SPTB: variants seen among roughly 807,000 people sequenced by gnomAD.
SPTB encodes the protein spectrin beta, erythrocytic.
Under a neutral mutation model 256.2 loss-of-function variants are expected in SPTB, and 45 were observed. That is an observed-to-expected ratio of 0.18 (90% CI 0.14 to 0.23). SPTB has a LOEUF of 0.23. SPTB is among the 10% of genes least tolerant of loss of function. The pLI, the probability that SPTB is intolerant of heterozygous loss-of-function variation, is 1.00. For missense variants in SPTB, 2,715 were observed against 3,040.4 expected (o/e 0.89, Z 2.52); for synonymous variants, 1,231 against 1,243.1 (o/e 0.99, Z 0.21).
rs1882110845 is a variant in SPTB, at chr14:64,775,159, T to C, written c.4808A>G (p.Gln1603Arg). The C allele has an allele frequency of 6.2e-7, 1 of 1,613,856 alleles. No homozygotes were observed. ...ADEAEAWIGEQELYVISDEIP... is the reference protein window; with the variant it reads ...ADEAEAWIGERELYVISDEIP... ...CTCATCGGAGATGACGTAGAGCTCC[T>C]GCTCGCCAATCCAGGCCTCAGCCTC... Residue 1603 changes from glutamine (Q) to arginine (R), a missense_variant, in exon 23 of 36, where the codon CAG (glutamine) becomes CGG (arginine). Gln to Arg is a conservative substitution (Grantham distance 43, BLOSUM62 1). This residue lies in a region of SPTB where 2,239 missense variants were observed against 2,384.4 expected (regional missense o/e 0.94). Transcript: ENST00000644917. This position sits in a 1 kb window ranked among gnomAD's most constrained non-coding sequence, Gnocchi z 5.0.
At position 64,772,828 on chromosome 14, in the gene SPTB, C is replaced by G; in HGVS notation, c.5305G>C (p.Ala1769Pro). 6.2e-7 allele frequency: 1 copy of G among 1,613,770 alleles called. No individual in the cohort carries two copies. The highest frequency in any genetic ancestry group is 8.5e-7 in the Non-Finnish European group (1 of 1,179,958). The part of the protein sequence containing the change: ...DAGHSEAATI[A>P]EWKDGLNEMW... ...TCGTTCAGCCCGTCCTTCCACTCGG[C>G]GATGGTGGCCGCCTCGCTGTGGCCC... The change falls in exon 26 of 36, where the codon GCC becomes CCC. Residue 1769 changes from alanine to proline, a missense_variant. This residue lies in a region of SPTB where 2,239 missense variants were observed against 2,384.4 expected (regional missense o/e 0.94). Coordinates refer to ENST00000644917, the MANE Select transcript of SPTB (RefSeq NM_001355436.2). This position sits in a 1 kb window ranked among gnomAD's most constrained non-coding sequence, Gnocchi z 5.4.
Position 64,793,062 on chromosome 14 carries a change from C to T in SPTB, c.2601G>A (p.Lys867=). 1 of 1,614,116 alleles carries T rather than the reference C, an allele frequency of 6.2e-7. No individual in the cohort carries two copies. Among genetic ancestry groups the T allele is most frequent in the Non-Finnish European group, 8.5e-7 (1 of 1,180,042 alleles). The change falls in exon 14 of 36, where the codon AAG becomes AAA. Residue 867 remains lysine (K), a synonymous_variant. Coordinates refer to ENST00000644917, the MANE Select transcript of SPTB (RefSeq NM_001355436.2). This position sits in a 1 kb window ranked among gnomAD's most constrained non-coding sequence, Gnocchi z 7.0. ...TDACELWMGE[K]EKWLAEMEMP... ...TTTCCATCTCGGCCAGCCACTTCTC[C>T]TTCTCTCCCATCCACAGCTCACAGG...
chr14:64,870,598 A>G (rs1882470996), intron 1 of SPTB, among the ~76,000 whole-genome samples: 1 of 152,240 alleles, frequency 6.6e-6, no homozygotes, highest in African/African-American at 2.4e-5. Context: ...ACTATCACCC[A>G]AAGACAGTGT....
chr14:64,760,429 C>T lies in SPTB; in HGVS notation c.6345+6297G>A, dbSNP rs1296920193. On this transcript the variant is annotated intron_variant, in intron 32 of 35. Coordinates refer to ENST00000644917, the MANE Select transcript of SPTB (RefSeq NM_001355436.2). The surrounding 1 kb of genome is among the most constrained non-coding windows in gnomAD (Gnocchi z 4.3). ...TCCCAGGAGAAACACAACCTGGCTC[C>T]GGACCACAGGGTGTTTCAGAGGTTC... Among the ~76,000 whole-genome samples the T allele has an allele frequency of 3.3e-5, 5 of 152,118 alleles. No homozygotes were observed. Among genetic ancestry groups the T allele is most frequent in the African/African-American group, 7.2e-5 (3 of 41,416 alleles).
intron 29 of SPTB, 161 bp from the exon 30 acceptor site, chr14:64,768,020 T>A (rs1268310645): frequency 1.3e-6 from 1 of 755,200 alleles, no homozygotes; most frequent in Non-Finnish European, 2.3e-6. Context: ...CATTCCACAC[T>A]GGGCCCCTAA....
Position 64,764,819 on chromosome 14 carries a change from G to A in SPTB, c.6345+1907C>T, listed in dbSNP as rs1162630764. On this transcript the variant is annotated intron_variant, in intron 32 of 35. Transcript: ENST00000644917. This position sits in a 1 kb window ranked among gnomAD's most constrained non-coding sequence, Gnocchi z 4.2. ...CCAGAGTTCGCTCTCCTTCCGGCAG[G>A]GGCTGTTGCTGGGAAAAAGGGGCTG... Among the ~76,000 whole-genome samples, 1 of 152,134 alleles carries A rather than the reference G, an allele frequency of 6.6e-6. No individual in the cohort carries two copies. Among genetic ancestry groups the A allele is most frequent in the Non-Finnish European group, 1.5e-5 (1 of 68,008 alleles).
chr14:64,857,867 G>A lies in SPTB; in HGVS notation c.-52+21925C>T, dbSNP rs75143465. The stretch of plus-strand genomic sequence containing the variant: ...TCTTTGATCCCTTATAACACATAAT[G>A]AGATCTGCTAAAAAGCAACAAATTT... On this transcript the variant is annotated intron_variant, in intron 1 of 35. Transcript: ENST00000644917. Among the ~76,000 whole-genome samples, 599 of 152,226 alleles carry A rather than the reference G, an allele frequency of 3.9e-3. 3 individuals carry two copies. Among genetic ancestry groups the A allele is most frequent in the African/African-American group, 0.013 (540 of 41,534 alleles).
rs753734635 is a variant in SPTB at position 64,853,373 on chromosome 14, C to T, written c.-52+26419G>A. Among the ~76,000 whole-genome samples the T allele has an allele frequency of 2.6e-5, 4 of 152,142 alleles. No individual in the cohort carries two copies. The highest frequency in any genetic ancestry group is 5.9e-5 in the Non-Finnish European group (4 of 68,038). On this transcript the variant is annotated intron_variant, in intron 1 of 35. Transcript: ENST00000644917. This position sits in a 1 kb window ranked among gnomAD's most constrained non-coding sequence, Gnocchi z 4.3. ...TGGAGAACCTCTTCCTCAGGATATG[C>T]CCAGGAAGCCATCAAAGAACAAAGC...
intron 29 of SPTB, 30 bp from the exon 30 acceptor site, chr14:64,767,889 C>CA (rs769755098): frequency 6.2e-7 from 1 of 1,611,006 alleles, no homozygotes; most frequent in African/African-American, 1.3e-5. Context: ...ACAGACCCCC[C>CA]ACAAGGCCCA....
chr14:64,751,180 T>C (rs2357777), intron 33 of SPTB, among the ~76,000 whole-genome samples: 55,921 of 150,236 alleles, frequency 0.37, 11,934 homozygotes, highest in African/African-American at 0.59. Context: ...AATGCAGTGG[T>C]GCAGTCTCAG....
intron 1 of SPTB, among the ~76,000 whole-genome samples, chr14:64,859,406 T>A (rs1482993127): frequency 1.3e-5 from 2 of 152,150 alleles, no homozygotes; most frequent in African/African-American, 2.4e-5. Context: ...TTAAACAACG[T>A]AAGCTGTTAA....
rs2083366716 is a variant in SPTB at position 64,825,560 on chromosome 14, C to T, written c.-51-2415G>A. 6.6e-6 allele frequency among the ~76,000 whole-genome samples: 1 copy of T among 152,202 alleles called. No homozygotes were observed. Among genetic ancestry groups the T allele is most frequent in the African/African-American group, 2.4e-5 (1 of 41,434 alleles). The stretch of plus-strand genomic sequence containing the variant: ...TGACCACCTCCTGCAGGGCCACAAG[C>T]CTGTCCAGCAGCCCCTGAGAAGGGC... On this transcript the variant is annotated intron_variant, in intron 1 of 35. Coordinates refer to ENST00000644917, the MANE Select transcript of SPTB (RefSeq NM_001355436.2). The surrounding 1 kb of genome is among the most constrained non-coding windows in gnomAD (Gnocchi z 4.8).
chr14:64,776,898 A>G (rs1594764135), intron 22 of SPTB, among the ~76,000 whole-genome samples: 1 of 152,240 alleles, frequency 6.6e-6, no homozygotes, highest in South Asian at 2.1e-4. Flanking sequence ...GGGACAATAT[A>G]GAAACAAGAG....
chr14:64,863,502 C>T (rs1881979770), intron 1 of SPTB, among the ~76,000 whole-genome samples: 1 of 152,140 alleles, frequency 6.6e-6, no homozygotes, highest in Non-Finnish European at 1.5e-5. Flanking sequence ...TGCTACAAAC[C>T]TCTCAAGAGC....
rs760837664 is a variant in SPTB at position 64,795,419 on chromosome 14, C to A, written c.1562G>T (p.Arg521Leu). 2.5e-6 allele frequency: 4 copies of A among 1,614,070 alleles called. No individual in the cohort carries two copies. The highest frequency in any genetic ancestry group is 3.4e-6 in the Non-Finnish European group (4 of 1,180,054). Residue 521 changes from arginine to leucine, a missense_variant, in exon 12 of 36, where the codon CGC (arginine) becomes CTC (leucine). Coordinates refer to ENST00000644917, the MANE Select transcript of SPTB (RefSeq NM_001355436.2). The surrounding 1 kb of genome is among the most constrained non-coding windows in gnomAD (Gnocchi z 6.5). Reference protein sequence around the residue: ...SYLQELLQSRRQRLETTLALQ... With the variant: ...SYLQELLQSRLQRLETTLALQ... The stretch of plus-strand genomic sequence containing the variant: ...TGCCAGGGTGGTCTCGAGCCTCTGG[C>A]GCCGGGACTGCAGCAGCTCCTGCAG...
chr14:64,796,425 G>C lies in SPTB; in HGVS notation c.1341+132C>G. The C allele has an allele frequency of 8.4e-7, 1 of 1,188,486 alleles. No individual in the cohort carries two copies. The highest frequency in any genetic ancestry group is 1.2e-6 in the Non-Finnish European group (1 of 811,586). 73.6% of individuals were successfully genotyped at this position (1,188,486 alleles called of 1,614,324 possible). A position where few individuals can be genotyped will look rare whatever the true frequency, so the allele number is the denominator to read the frequency against. On this transcript the variant is annotated intron_variant, in intron 11 of 35. Coordinates refer to ENST00000644917, the MANE Select transcript of SPTB (RefSeq NM_001355436.2). This position sits in a 1 kb window ranked among gnomAD's most constrained non-coding sequence, Gnocchi z 4.1. The stretch of plus-strand genomic sequence containing the variant: ...CCCAGATGCAAATCTTGATCCACTG[G>C]ATCACGGGGGAGCTGTGCTGCAAGG...
intron 1 of SPTB, among the ~76,000 whole-genome samples, chr14:64,865,004 T>A (rs974255155): frequency 2.6e-5 from 4 of 152,134 alleles, no homozygotes; most frequent in African/African-American, 9.7e-5. Context: ...TCAGGGACAA[T>A]TTCCATTAGA....
intron 6 of SPTB, 37 bp downstream of exon 6, chr14:64,801,717 T>C: frequency 6.3e-7 from 1 of 1,586,656 alleles, no homozygotes; most frequent in Non-Finnish European, 8.7e-7. Context: ...AGGGAGGCTG[T>C]CTCAGTCAGT....
At chr14:64,753,423 A>T (rs1594738683) in intron 33 of SPTB, 114 bp downstream of exon 33, 1 of 1,540,772 alleles carries the variant, frequency 6.5e-7, no homozygotes, top group East Asian at 2.3e-5. Flanking sequence ...TCACAGGCCA[A>T]GGCAGAAGGC....
Sources: gnomAD v4.1 joint callset for allele counts (sites outside exome capture counted in the v4.1 genomes callset) on GRCh38, gnomAD v4.1.1 for gene constraint, gnomAD v4.1.1 regional missense constraint, Gnocchi (gnomAD v3.1) non-coding constraint, MANE v1.5 for transcripts, NCBI Gene and HGNC (gene_info 2026-07-23, HGNC 2026-07-21) for gene names.